BOLL: variants seen among roughly 807,000 people sequenced by gnomAD.
BOLL encodes boule RNA binding protein, also known as protein boule-like.
Under a neutral mutation model 44.4 loss-of-function variants are expected in BOLL, and 23 were observed. The observed-to-expected ratio is 0.52, with a 90% CI of 0.37 to 0.73. The LOEUF is 0.73. BOLL is among the 30% of genes least tolerant of loss of function. BOLL has a pLI of 0.00. For synonymous variants in BOLL, 97 were observed against 110.8 expected, an observed-to-expected ratio of 0.88 and a Z score of 0.78; for missense variants, 287 against 338.3, an observed-to-expected ratio of 0.85 and a Z score of 1.19.
chr2:197,734,355 A>G (rs1238792673), intron 10 of BOLL, among the ~76,000 whole-genome samples: 1 of 152,158 alleles, frequency 6.6e-6, no homozygotes, highest in Non-Finnish European at 1.5e-5. Context: ...ACACTTTTAC[A>G]CTGTTGGTGG....
At chr2:197,760,578 G>A (rs1330762640) in intron 7 of BOLL, among the ~76,000 whole-genome samples, 1 of 152,220 alleles carries the variant, frequency 6.6e-6, no homozygotes, top group East Asian at 1.9e-4. Context: ...CCATGTTCAT[G>A]TACACAGCCC....
intron 9 of BOLL, among the ~76,000 whole-genome samples, chr2:197,748,881 TCTG>T (rs1688105688): frequency 6.6e-6 from 1 of 152,252 alleles, no homozygotes; most frequent in African/African-American, 2.4e-5. Flanking sequence ...GTGCTTGAGC[TCTG>T]CTAAGGGACA....
chr2:197,770,153 A>ATCC (rs1689177020), intron 6 of BOLL, among the ~76,000 whole-genome samples: 1 of 152,026 alleles, frequency 6.6e-6, no homozygotes, highest in African/African-American at 2.4e-5. Flanking sequence ...CAAAACAGAG[A>ATCC]TATAGACCAA....
chr2:197,759,649 C>T (rs1326182799), intron 7 of BOLL, among the ~76,000 whole-genome samples: 5 of 152,146 alleles, frequency 3.3e-5, no homozygotes, highest in Non-Finnish European at 7.4e-5. Context: ...GGCTGTGATT[C>T]TGGTTCTGTA....
chr2:197,756,095 T>C (rs761335084), intron 9 of BOLL: 1 of 153,610 alleles, frequency 6.5e-6, no homozygotes, highest in Non-Finnish European at 1.4e-5. Flanking sequence ...CTTAATTATA[T>C]GCTTTTGACT....
At chr2:197,785,651 T>G (rs373073625), upstream of BOLL, among the ~76,000 whole-genome samples, 8 of 152,302 alleles carry the variant, frequency 5.3e-5, no homozygotes, top group East Asian at 1.4e-3. The surrounding 1 kb of genome is among the most constrained non-coding windows in gnomAD (Gnocchi z 6.7). Context: ...TAGCCCAATT[T>G]CGGCGGGAAA....
chr2:197,784,977 T>C (rs1170664393), intron 1 of BOLL, 79 bp downstream of exon 1: 1 of 985,962 alleles, frequency 1.0e-6, no homozygotes, highest in Middle Eastern at 5.1e-4. Context: ...GTGCCCTCAC[T>C]GGCCCCTCCC....
intron 9 of BOLL, among the ~76,000 whole-genome samples, chr2:197,753,849 C>A: frequency 6.6e-6 from 1 of 152,120 alleles, no homozygotes. Context: ...ATGTTTATTG[C>A]AGCACTATTT....
chr2:197,758,956 T>G lies in BOLL; in HGVS notation c.553-1556A>C, dbSNP rs773230458. ...GCAAAACTGACCTCATCACATTTGG[T>G]AAAAGGAAGCAAAGAGTCCATCCAT... On this transcript the variant is annotated intron_variant, in intron 7 of 10. Coordinates refer to ENST00000392296, the MANE Select transcript of BOLL (RefSeq NM_033030.6). The G allele has an allele frequency of 6.7e-5, 103 of 1,535,874 alleles. 1 individual carries two copies. The South Asian group carries it at 1.2e-3, about 18-fold the overall frequency.
intron 1 of BOLL, 95 bp downstream of exon 1, chr2:197,784,961 A>G: frequency 1.0e-6 from 1 of 985,926 alleles, no homozygotes; most frequent in Non-Finnish European, 1.2e-6. Flanking sequence ...ACTCCTCCAA[A>G]GCAATGTGCC....
chr2:197,769,191 G>A (rs1689123874), intron 6 of BOLL, among the ~76,000 whole-genome samples: 1 of 152,018 alleles, frequency 6.6e-6, no homozygotes, highest in Non-Finnish European at 1.5e-5. Context: ...GAGTTAGGGA[G>A]GATTCTCTCT....
At chr2:197,754,644 G>A (rs1489629027) in intron 9 of BOLL, among the ~76,000 whole-genome samples, 1 of 151,984 alleles carries the variant, frequency 6.6e-6, no homozygotes, top group East Asian at 1.9e-4. Flanking sequence ...AACCTGGGAG[G>A]TGGAGGTTGC....
chr2:197,758,857 T>G (rs1688628319), intron 7 of BOLL: 5 of 1,126,856 alleles, frequency 4.4e-6, no homozygotes, highest in Non-Finnish European at 6.2e-6. Context: ...AAAACCAGCT[T>G]GCAGTCCAAT....
intron 10 of BOLL, 88 bp from the exon 11 acceptor site, chr2:197,728,666 A>G (rs1686963707): frequency 1.2e-6 from 1 of 846,668 alleles, no homozygotes. Flanking sequence ...CCATCAATCA[A>G]CATTCACTAA....
intron 2 of BOLL, 89 bp from the exon 3 acceptor site, chr2:197,779,155 T>C (rs1229514293): frequency 6.3e-6 from 6 of 959,178 alleles, no homozygotes; most frequent in Non-Finnish European, 9.3e-6. Context: ...CAGAAAAAGT[T>C]ATAGATAAGA....
chr2:197,750,918 G>C (rs182554988), intron 9 of BOLL, among the ~76,000 whole-genome samples: 3 of 152,194 alleles, frequency 2.0e-5, no homozygotes, highest in African/African-American at 7.2e-5. Flanking sequence ...CTCAGAAAAT[G>C]GTAAAGAACA....
rs1254139508 is a variant in BOLL at position 197,777,051 on chromosome 2, G to C, written c.276+8C>G. The C allele has an allele frequency of 3.2e-6, 5 of 1,565,270 alleles. 1 individual carries two copies. In the Middle Eastern group the frequency reaches 6.8e-4, roughly 212 times the overall value. On this transcript the variant is annotated splice_region_variant and intron_variant, in intron 4 of 10. Coordinates refer to ENST00000392296, the MANE Select transcript of BOLL (RefSeq NM_033030.6). ...AGAAATGAAGTTAAATACACCAAAAGATCATACCTCTTGTAAAATTTTTTG... is the reference window on the plus strand; with the variant it reads ...AGAAATGAAGTTAAATACACCAAAACATCATACCTCTTGTAAAATTTTTTG...
chr2:197,768,558 T>C (rs1344754339), intron 6 of BOLL, among the ~76,000 whole-genome samples: 1 of 151,506 alleles, frequency 6.6e-6, no homozygotes, highest in African/African-American at 2.4e-5. Flanking sequence ...CATGGAAACT[T>C]AGTGTTTGGC....
chr2:197,740,695 T>G (rs1354726595), intron 10 of BOLL, among the ~76,000 whole-genome samples: 1 of 152,050 alleles, frequency 6.6e-6, no homozygotes, highest in Non-Finnish European at 1.5e-5. Flanking sequence ...TTCATATAGA[T>G]AGAAAGTAAA....
Sources: allele counts gnomAD v4.1 joint callset (sites outside exome capture counted in the v4.1 genomes callset), GRCh38; gene constraint gnomAD v4.1.1; non-coding constraint Gnocchi (gnomAD v3.1); transcripts MANE v1.5; gene names NCBI Gene and HGNC (gene_info 2026-07-23, HGNC 2026-07-21).